Variants in SLC66A3 observed in about 807,000 individuals in gnomAD.
The protein encoded by SLC66A3 is solute carrier family 66 member 3, also known as PQ loop repeat containing 3.
Under a neutral mutation model 25.5 loss-of-function variants are expected in SLC66A3, and 23 were observed. That is an observed-to-expected ratio of 0.90 (90% CI 0.65 to 1.28). The LOEUF is 1.28. Among genes scored for constraint, SLC66A3 ranks in the 50% most tolerant of loss-of-function variants. The probability of loss-of-function intolerance (pLI) is 0.00; values close to 1 mark genes in which losing one functional copy is unlikely to be tolerated. For synonymous variants in SLC66A3, 108 were observed against 112.6 expected, an observed-to-expected ratio of 0.96 and a Z score of 0.26; for missense variants, 246 against 262.1, an observed-to-expected ratio of 0.94 and a Z score of 0.42.
intron 4 of SLC66A3, among the ~76,000 whole-genome samples, chr2:11,165,327 C>G (rs1201236351): frequency 2.0e-5 from 3 of 150,092 alleles, no homozygotes; most frequent in Non-Finnish European, 4.4e-5. Context: ...AGAGGCGCTC[C>G]CCACATCTCA....
At chr2:11,162,965 G>A (rs1197468360) in intron 3 of SLC66A3, among the ~76,000 whole-genome samples, 7 of 152,200 alleles carry the variant, frequency 4.6e-5, no homozygotes, top group Admixed American at 3.3e-4. Flanking sequence ...TTGGCCAGGT[G>A]TAGCGGCTCA....
intron 1 of SLC66A3, among the ~76,000 whole-genome samples, 160 bp downstream of exon 1, chr2:11,155,849 G>A (rs368159023): frequency 2.0e-5 from 3 of 152,174 alleles, no homozygotes; most frequent in African/African-American, 7.2e-5. Flanking sequence ...AGGGGCTCGG[G>A]GTGCTCTTCC....
rs1359371045 is a variant in SLC66A3, at chr2:11,160,655, T to G, written c.257T>G (p.Phe86Cys). The part of the protein sequence containing the change: ...DVILLLCIFH[F>C]NGNVKQATPY... ...ATCCTCCTGCTCTGTATCTTTCATTTTAACGGGAACGTGAAGCAGGCCACT... is the reference window on the plus strand; with the variant it reads ...ATCCTCCTGCTCTGTATCTTTCATTGTAACGGGAACGTGAAGCAGGCCACT... Residue 86 changes from phenylalanine to cysteine, a missense_variant, in exon 3 of 7, where the codon TTT (phenylalanine) becomes TGT (cysteine). By Grantham distance (205) the Phe-to-Cys change is radical. Coordinates refer to ENST00000295083, the MANE Select transcript of SLC66A3 (RefSeq NM_152391.5). 3 of 1,614,068 alleles carry G rather than the reference T, an allele frequency of 1.9e-6. No individual in the cohort carries two copies. Among genetic ancestry groups the G allele is most frequent in the Non-Finnish European group, 8.5e-7 (1 of 1,180,042 alleles).
chr2:11,173,151 C>T (rs1193462295), intron 5 of SLC66A3, among the ~76,000 whole-genome samples: 1 of 152,186 alleles, frequency 6.6e-6, no homozygotes, highest in Non-Finnish European at 1.5e-5. Context: ...GCATGAGCCA[C>T]CGCGCCCAGC....
chr2:11,166,710 C>T (rs185332031), intron 4 of SLC66A3, among the ~76,000 whole-genome samples: 14 of 151,908 alleles, frequency 9.2e-5, no homozygotes, highest in African/African-American at 3.4e-4. Context: ...GGCCAACAGG[C>T]GAAACCCTGT....
intron 4 of SLC66A3, among the ~76,000 whole-genome samples, chr2:11,170,096 C>T (rs1467735235): frequency 6.6e-6 from 1 of 152,174 alleles, no homozygotes; most frequent in East Asian, 1.9e-4. Flanking sequence ...CTCGGCCTCC[C>T]AAAGTAGTGG....
rs149330449 is a variant in SLC66A3 at position 11,161,422 on chromosome 2, G to A, written c.296+728G>A. 3.6e-3 allele frequency among the ~76,000 whole-genome samples: 542 copies of A among 152,166 alleles called. 11 individuals carry two copies. In the East Asian group the frequency reaches 0.075, roughly 21 times the overall value. ...AGTGATCCTCCTGCCTCAGCCTCCC[G>A]AGTAGCTTGGACTATTGAAGAATGC... On this transcript the variant is annotated intron_variant, in intron 3 of 6. Coordinates refer to ENST00000295083, the MANE Select transcript of SLC66A3 (RefSeq NM_152391.5).
intron 5 of SLC66A3, among the ~76,000 whole-genome samples, chr2:11,174,202 C>T (rs1279275512): frequency 2.6e-5 from 4 of 152,064 alleles, no homozygotes; most frequent in Non-Finnish European, 5.9e-5. Flanking sequence ...ATGATCCACC[C>T]GCCTCAGCCT....
chr2:11,160,966 C>T (rs960543698), intron 3 of SLC66A3: 1 of 569,024 alleles, frequency 1.8e-6, no homozygotes, highest in Non-Finnish European at 3.1e-6. Context: ...AGAGCAGCAT[C>T]GTCCAACTGC....
chr2:11,174,348 G>A (rs1301395949), intron 5 of SLC66A3, among the ~76,000 whole-genome samples: 1 of 152,198 alleles, frequency 6.6e-6, no homozygotes, highest in Non-Finnish European at 1.5e-5. Flanking sequence ...GAGGGTTGGG[G>A]GTTGCAGGTT....
intron 4 of SLC66A3, among the ~76,000 whole-genome samples, chr2:11,165,980 C>T (rs951841868): frequency 5.9e-5 from 9 of 152,224 alleles, no homozygotes; most frequent in East Asian, 1.9e-4. Context: ...AGTCCAGCTT[C>T]GGCTCGGCAT....
intron 1 of SLC66A3, among the ~76,000 whole-genome samples, chr2:11,156,731 G>A (rs1251034344): frequency 6.6e-6 from 1 of 152,116 alleles, no homozygotes; most frequent in Non-Finnish European, 1.5e-5. Context: ...GCAGTGGGAG[G>A]GACTGTGACC....
Position 11,171,984 on chromosome 2 carries a change from G to A in SLC66A3, c.414G>A (p.Lys138=). The A allele has an allele frequency of 6.2e-7, 1 of 1,614,036 alleles. No homozygotes were observed. The highest frequency in any genetic ancestry group is 8.5e-7 in the Non-Finnish European group (1 of 1,179,878). ...TTGCACAGCTCCAGTGTCTGTGGAA[G>A]ACGAGAGACTCAGGAACTGTGAGTG... ...SKFAQLQCLW[K]TRDSGTVSAL... Residue 138 remains lysine (K), a synonymous_variant, in exon 5 of 7, where the codon AAG becomes AAA. Coordinates refer to ENST00000295083, the MANE Select transcript of SLC66A3 (RefSeq NM_152391.5).
intron 6 of SLC66A3, among the ~76,000 whole-genome samples, chr2:11,175,766 C>G (rs988658757): frequency 1.3e-5 from 2 of 152,210 alleles, no homozygotes; most frequent in Non-Finnish European, 2.9e-5. Flanking sequence ...CTGTTTTCAA[C>G]TCCCAAATCA....
chr2:11,172,905 C>T (rs1024373194), intron 5 of SLC66A3: 11 of 202,814 alleles, frequency 5.4e-5, no homozygotes, highest in Non-Finnish European at 1.1e-4. Flanking sequence ...CTCTGTCACC[C>T]AGGCTGGAGT....
rs1662829912 is a variant in SLC66A3, at chr2:11,178,071, A to G, written c.*243A>G. On this transcript the variant is annotated 3_prime_UTR_variant, in exon 7 of 7. Transcript: ENST00000295083. ...CTCAGACATCTGCAGTGTTGAGGCCAGTCACTGTTGGAAGTCATCCAAGAA... is the reference window on the plus strand; with the variant it reads ...CTCAGACATCTGCAGTGTTGAGGCCGGTCACTGTTGGAAGTCATCCAAGAA... The G allele has an allele frequency of 2.8e-6, 1 of 356,366 alleles. No homozygotes were observed. The highest frequency in any genetic ancestry group is 5.3e-5 in the South Asian group (1 of 18,706). The allele number at this position is 356,366 out of a possible 1,614,324, so 22.1% of individuals were successfully genotyped here.
rs544905243 is a variant in SLC66A3, at chr2:11,164,319, A to G, written c.354+58A>G. On this transcript the variant is annotated intron_variant, in intron 4 of 6. Transcript: ENST00000295083. Reference sequence around the variant, plus strand: ...AATAAGCTACCTTGGAGAGAACTTGATAGATATTTATATATATATATATAT... The same window carrying G: ...AATAAGCTACCTTGGAGAGAACTTGGTAGATATTTATATATATATATATAT... 1.4e-5 allele frequency: 5 copies of G among 368,114 alleles called. No homozygotes were observed. The Admixed American group carries it at 2.3e-4, about 17-fold the overall frequency. The allele number at this position is 368,114 out of a possible 1,614,324, so 22.8% of individuals were successfully genotyped here.
At chr2:11,166,939 A>T (rs561754438) in intron 4 of SLC66A3, among the ~76,000 whole-genome samples, 1 of 152,234 alleles carries the variant, frequency 6.6e-6, no homozygotes, top group African/African-American at 2.4e-5. Flanking sequence ...GTACTAAAAC[A>T]TTATTTGTTG....
intron 3 of SLC66A3, among the ~76,000 whole-genome samples, chr2:11,163,111 T>C (rs962530331): frequency 1.3e-5 from 2 of 152,188 alleles, no homozygotes; most frequent in African/African-American, 4.8e-5. Context: ...CCATGTGTGG[T>C]GTCTCATACC....
Sources: gnomAD v4.1 joint callset for allele counts (sites outside exome capture counted in the v4.1 genomes callset) on GRCh38, gnomAD v4.1.1 for gene constraint, MANE v1.5 for transcripts, NCBI Gene and HGNC (gene_info 2026-07-23, HGNC 2026-07-21) for gene names.